Variants in PSD2 observed in about 807,000 individuals in gnomAD.
PSD2 encodes the protein pleckstrin and Sec7 domain containing 2.
A neutral mutation model predicts 69.8 loss-of-function variants in PSD2; 38 were observed. The observed-to-expected ratio is 0.54, with a 90% CI of 0.42 to 0.71. PSD2 has a LOEUF of 0.71. Among genes scored for constraint, PSD2 ranks in the 30% least tolerant of loss-of-function variants. PSD2 has a pLI of 0.00. For missense variants in PSD2, 943 were observed against 1,014.5 expected (o/e 0.93, Z 0.96); for synonymous variants, 412 against 423.0 (o/e 0.97, Z 0.32).
At position 139,837,003 on chromosome 5, in the gene PSD2, T is replaced by G. The variant is rs773395027; in HGVS notation, c.1594+2T>G. On this transcript the variant is annotated splice_donor_variant, in intron 10 of 14. Transcript: ENST00000274710. LOFTEE classifies it high-confidence loss of function. The surrounding 1 kb of genome is among the most constrained non-coding windows in gnomAD (Gnocchi z 5.0). ...ACGCTGACATGGATGGCAAGAGGAG[T>G]GGGTGTCAGGCTGGGAGAGGGGCAT... The G allele has an allele frequency of 6.2e-7, 1 of 1,607,974 alleles. No individual in the cohort carries two copies. Among genetic ancestry groups the G allele is most frequent in the African/African-American group, 1.4e-5 (1 of 74,022 alleles).
At chr5:139,781,838 T>A in the PSD2 span, among the ~76,000 whole-genome samples, 1 of 152,132 alleles carries the variant, frequency 6.6e-6, no homozygotes, top group Non-Finnish European at 1.5e-5. Flanking sequence ...TTCACCATGT[T>A]GGGCAGGCTG....
At chr5:139,795,021 G>A (rs908960502), upstream of PSD2, among the ~76,000 whole-genome samples, 1 of 152,122 alleles carries the variant, frequency 6.6e-6, no homozygotes, top group Non-Finnish European at 1.5e-5. This position sits in a 1 kb window ranked among gnomAD's most constrained non-coding sequence, Gnocchi z 4.5. Flanking sequence ...TCTGCCCAGG[G>A]CACCCTCTGT....
chr5:139,807,233 T>C (rs977537876), intron 1 of PSD2, among the ~76,000 whole-genome samples: 3 of 152,160 alleles, frequency 2.0e-5, no homozygotes, highest in East Asian at 1.9e-4. Context: ...TGAAATCGGG[T>C]TGAAACCCTG....
At chr5:139,799,605 AG>A (rs1759616000) in intron 1 of PSD2, among the ~76,000 whole-genome samples, 1 of 152,100 alleles carries the variant, frequency 6.6e-6, no homozygotes, top group South Asian at 2.1e-4. Flanking sequence ...AGGCACTCTG[AG>A]GAGGATGGAG....
chr5:139,787,683 G>A, the PSD2 span, among the ~76,000 whole-genome samples: 1 of 152,262 alleles, frequency 6.6e-6, no homozygotes, highest in African/African-American at 2.4e-5. Context: ...CCAGGGCCGG[G>A]AGGGGCTGGG....
intron 1 of PSD2, among the ~76,000 whole-genome samples, chr5:139,799,055 G>C (rs980901350): frequency 6.6e-6 from 1 of 152,036 alleles, no homozygotes; most frequent in Non-Finnish European, 1.5e-5. Context: ...CTTGTGATTA[G>C]AGTCAAGTTA....
intron 7 of PSD2, among the ~76,000 whole-genome samples, chr5:139,824,001 T>G (rs1581728251): frequency 6.6e-6 from 1 of 152,094 alleles, no homozygotes; most frequent in African/African-American, 2.4e-5. Flanking sequence ...GCAACCTGAG[T>G]GTGGAACAAG....
the PSD2 span, among the ~76,000 whole-genome samples, chr5:139,749,258 C>T: frequency 1.3e-5 from 2 of 152,220 alleles, no homozygotes; most frequent in Admixed American, 1.3e-4. Context: ...CAGGTTACTT[C>T]CTCTGAGAAC....
At chr5:139,747,323 G>A in the PSD2 span, among the ~76,000 whole-genome samples, 1 of 152,084 alleles carries the variant, frequency 6.6e-6, no homozygotes, top group African/African-American at 2.4e-5. This position sits in a 1 kb window ranked among gnomAD's most constrained non-coding sequence, Gnocchi z 6.7. Context: ...GCAGGTGGGC[G>A]GGGCTGCAGC....
the PSD2 span, among the ~76,000 whole-genome samples, chr5:139,750,423 C>T: frequency 6.6e-6 from 1 of 152,226 alleles, no homozygotes; most frequent in African/African-American, 2.4e-5. Flanking sequence ...GTTGCTCCCT[C>T]TCCTCCCTTT....
upstream of PSD2, among the ~76,000 whole-genome samples, chr5:139,792,755 TTCTC>T (rs1759435867): frequency 6.6e-6 from 1 of 151,646 alleles, no homozygotes; most frequent in South Asian, 2.1e-4. Context: ...CTTTCTTTCT[TTCTC>T]TTTCTCCCTT....
the PSD2 span, among the ~76,000 whole-genome samples, chr5:139,773,413 C>T: frequency 3.3e-5 from 5 of 152,144 alleles, no homozygotes; most frequent in Non-Finnish European, 7.3e-5. Flanking sequence ...AGGCACACAC[C>T]ACCACACCCT....
chr5:139,797,236 G>A lies in PSD2; in HGVS notation c.-51+1261G>A, dbSNP rs188011522. Among the ~76,000 whole-genome samples, 64 of 152,360 alleles carry A rather than the reference G, an allele frequency of 4.2e-4. No homozygotes were observed. In the South Asian group the frequency reaches 0.01, roughly 24 times the overall value. On this transcript the variant is annotated intron_variant, in intron 1 of 14. Transcript: ENST00000274710. ...CCCCTTTCCCCAATATATGCGGGAAGCAGGGAACAGGGGCTTTTGAGTGGG... is the reference window on the plus strand; with the variant it reads ...CCCCTTTCCCCAATATATGCGGGAAACAGGGAACAGGGGCTTTTGAGTGGG...
Position 139,812,555 on chromosome 5 carries a change from T to A in PSD2, c.372-754T>A, listed in dbSNP as rs78543538. ...AAAGCTTTTGTTCTGGGGCTGGGGA[T>A]CATACAGTAAACAGGGGAACAGACA... is the stretch of plus-strand genomic sequence containing the variant. On this transcript the variant is annotated intron_variant, in intron 2 of 14. Transcript: ENST00000274710. Among the ~76,000 whole-genome samples, 617 of 152,226 alleles carry A rather than the reference T, an allele frequency of 4.1e-3. 1 individual carries two copies. The highest frequency in any genetic ancestry group is 0.013 in the African/African-American group (550 of 41,532).
chr5:139,833,525 G>A (rs779029981), intron 7 of PSD2, among the ~76,000 whole-genome samples, 177 bp from the exon 8 acceptor site: 2 of 152,194 alleles, frequency 1.3e-5, no homozygotes, highest in Non-Finnish European at 2.9e-5. Context: ...ATCAAGTACA[G>A]TTCTGACTGT....
the PSD2 span, among the ~76,000 whole-genome samples, chr5:139,747,931 G>T: frequency 2.6e-5 from 4 of 152,266 alleles, no homozygotes; most frequent in African/African-American, 9.6e-5. This position sits in a 1 kb window ranked among gnomAD's most constrained non-coding sequence, Gnocchi z 6.7. Context: ...TTAAGCGATT[G>T]ATCAGGAAGC....
chr5:139,749,729 C>T, the PSD2 span, among the ~76,000 whole-genome samples: 1 of 152,200 alleles, frequency 6.6e-6, no homozygotes, highest in African/African-American at 2.4e-5. Context: ...GGCACAGTGG[C>T]TCATGCCTGT....
chr5:139,817,983 G>A (rs1482484923), intron 5 of PSD2, among the ~76,000 whole-genome samples: 2 of 152,178 alleles, frequency 1.3e-5, no homozygotes, highest in African/African-American at 2.4e-5. Flanking sequence ...AGGAGGAGAT[G>A]GTAAAATGGG....
At chr5:139,783,943 C>CTTTTTTTTTTTTATTTTTTTTTTTT in the PSD2 span, among the ~76,000 whole-genome samples, 1 of 87,888 alleles carries the variant, frequency 1.1e-5, no homozygotes, top group Non-Finnish European at 2.1e-5. Context: ...TCTGCTAGCT[C>CTTTTTTTTTTTTATTTTTTTTTTTT]TTTTTTTTTT....
Sources: allele counts gnomAD v4.1 joint callset (sites outside exome capture counted in the v4.1 genomes callset), GRCh38; gene constraint gnomAD v4.1.1; non-coding constraint Gnocchi (gnomAD v3.1); transcripts MANE v1.5; gene names NCBI Gene and HGNC (gene_info 2026-07-23, HGNC 2026-07-21).